CX3CL1: variants seen among roughly 807,000 people sequenced by gnomAD.
CX3CL1 encodes C-X3-C motif chemokine ligand 1.
In CX3CL1, 1 loss-of-function variant was observed where a neutral mutation model predicts 14.1. That is an observed-to-expected ratio of 0.07 (90% CI 0.03 to 0.34). The LOEUF is 0.34. CX3CL1 is among the 10% of genes least tolerant of loss of function. The pLI is 0.99. For synonymous variants in CX3CL1, 255 were observed against 229.6 expected (o/e 1.11, Z -1.00); for missense variants, 505 against 536.4 (o/e 0.94, Z 0.58).
intron 1 of CX3CL1, chr16:57,376,928 A>G (rs185025915): frequency 6.6e-6 from 1 of 152,272 alleles, no homozygotes; most frequent in East Asian, 1.9e-4. Flanking sequence ...TGGATGAGGC[A>G]TTGTCTCCAT....
chr16:57,378,104 G>T, intron 1 of CX3CL1: 1 of 152,232 alleles, frequency 6.6e-6, no homozygotes. Flanking sequence ...TCTTGCTCCA[G>T]GAATTTCAAA....
intron 1 of CX3CL1, among the ~76,000 whole-genome samples, chr16:57,373,215 C>T (rs72786873): frequency 0.019 from 2,880 of 152,272 alleles, 35 homozygotes; most frequent in South Asian, 0.034. Flanking sequence ...CTGTGTCTAC[C>T]CGTCATGCTG....
rs766501728 is a variant in CX3CL1 at position 57,372,647 on chromosome 16, G to T, written c.70+9G>T. ...GACTGTCCTGCTGGCTGGTAAGTGGGGCTTGACTTGGGCACAAACAGGGTA... is the reference window on the plus strand; with the variant it reads ...GACTGTCCTGCTGGCTGGTAAGTGGTGCTTGACTTGGGCACAAACAGGGTA... On this transcript the variant is annotated intron_variant, in intron 1 of 2. Coordinates refer to ENST00000006053, the MANE Select transcript of CX3CL1 (RefSeq NM_002996.6). The T allele has an allele frequency of 3.1e-6, 5 of 1,613,262 alleles. No homozygotes were observed. Among genetic ancestry groups the T allele is most frequent in the Non-Finnish European group, 3.4e-6 (4 of 1,179,888 alleles).
rs1226130428 is a variant in CX3CL1 at position 57,382,469 on chromosome 16, G to A, written c.631G>A (p.Ala211Thr). The change falls in exon 3 of 3, where the codon GCT becomes ACT. Residue 211 changes from alanine (A) to threonine (T), a missense_variant. Physicochemically the swap from Ala to Thr is moderately conservative, Grantham distance 58 (BLOSUM62 0). Coordinates refer to ENST00000006053, the MANE Select transcript of CX3CL1 (RefSeq NM_002996.6). This position sits in a 1 kb window ranked among gnomAD's most constrained non-coding sequence, Gnocchi z 6.9. Reference protein sequence around the residue: ...APHQPGPSLWAEAKTSEAPST... With the variant: ...APHQPGPSLWTEAKTSEAPST... ...CCACCAACCTGGGCCCAGCCTCTGG[G>A]CTGAGGCAAAGACCTCTGAGGCCCC... The A allele has an allele frequency of 9.3e-6, 15 of 1,612,668 alleles. No individual in the cohort carries two copies. The highest frequency in any genetic ancestry group is 1.3e-5 in the Non-Finnish European group (15 of 1,179,826).
At chr16:57,379,326 CAA>C (rs112711341) in intron 1 of CX3CL1, 2,635 of 335,072 alleles carry the variant, frequency 7.9e-3, no homozygotes, top group Non-Finnish European at 9.3e-3. Flanking sequence ...GACTCCAACT[CAA>C]AAAAAAAAAA....
At position 57,382,630 on chromosome 16, in the gene CX3CL1, G is replaced by A; in HGVS notation, c.792G>A (p.Glu264=). 6 of 1,613,876 alleles carry A rather than the reference G, an allele frequency of 3.7e-6. No individual in the cohort carries two copies. The highest frequency in any genetic ancestry group is 5.1e-6 in the Non-Finnish European group (6 of 1,179,866). ...PRPENSLERE[E]MGPVPAHTDA... ...CAGAGAACTCTCTGGAGCGGGAGGAGATGGGTCCCGTGCCAGCGCACACGG... is the reference window on the plus strand; with the variant it reads ...CAGAGAACTCTCTGGAGCGGGAGGAAATGGGTCCCGTGCCAGCGCACACGG... The change falls in exon 3 of 3, where the codon GAG becomes GAA. Residue 264 remains glutamate (E), a synonymous_variant. Transcript: ENST00000006053. The surrounding 1 kb of genome is among the most constrained non-coding windows in gnomAD (Gnocchi z 6.9).
At chr16:57,379,528 G>A in intron 1 of CX3CL1, 106 bp from the exon 2 acceptor site, 2 of 1,435,840 alleles carry the variant, frequency 1.4e-6, no homozygotes, top group African/African-American at 1.4e-5. Flanking sequence ...GGGTGTACAG[G>A]GGATCAGTTT....
At chr16:57,375,463 G>T (rs1035618102) in intron 1 of CX3CL1, among the ~76,000 whole-genome samples, 2 of 152,194 alleles carry the variant, frequency 1.3e-5, no homozygotes, top group Non-Finnish European at 2.9e-5. Flanking sequence ...TAGTACCCGG[G>T]ACAGCCCCCA....
intron 2 of CX3CL1, among the ~76,000 whole-genome samples, chr16:57,380,388 T>C (rs527778599): frequency 6.6e-6 from 1 of 152,106 alleles, no homozygotes; most frequent in Non-Finnish European, 1.5e-5. Flanking sequence ...TGAAACCCCA[T>C]CTCTACTAAA....
chr16:57,381,231 A>G (rs987415012), intron 2 of CX3CL1, among the ~76,000 whole-genome samples: 1 of 152,206 alleles, frequency 6.6e-6, no homozygotes, highest in Non-Finnish European at 1.5e-5. Flanking sequence ...AGGTTTAGAC[A>G]TGGGCAAAAT....
chr16:57,374,282 C>A (rs1902216485), intron 1 of CX3CL1, among the ~76,000 whole-genome samples: 1 of 151,882 alleles, frequency 6.6e-6, no homozygotes, highest in Non-Finnish European at 1.5e-5. Flanking sequence ...GCTGCCCTGA[C>A]TAGTGTGGGG....
chr16:57,382,209 C>A lies in CX3CL1; in HGVS notation c.371C>A (p.Ser124Tyr), dbSNP rs1178515509. 3 of 1,613,304 alleles carry A rather than the reference C, an allele frequency of 1.9e-6. No individual in the cohort carries two copies. ...TTPAAGGMDE[S>Y]VVLEPEATGE... ...CCTGCCGCCGGGGGAATGGACGAGT[C>A]TGTGGTCCTGGAGCCCGAAGCCACA... The change falls in exon 3 of 3, where the codon TCT becomes TAT. Residue 124 changes from serine (S) to tyrosine (Y), a missense_variant. Ser to Tyr is a moderately radical substitution (Grantham distance 144). Transcript: ENST00000006053. The surrounding 1 kb of genome is among the most constrained non-coding windows in gnomAD (Gnocchi z 6.9).
Position 57,382,597 on chromosome 16 carries a change from C to G in CX3CL1, c.759C>G (p.Ser253Arg), listed in dbSNP as rs1262204511. The G allele has an allele frequency of 6.2e-7, 1 of 1,613,950 alleles. No homozygotes were observed. Among genetic ancestry groups the G allele is most frequent in the East Asian group, 2.2e-5 (1 of 44,874 alleles). The change falls in exon 3 of 3, where the codon AGC becomes AGG. Residue 253 changes from serine (S) to arginine (R), a missense_variant. Physicochemically the swap from Ser to Arg is moderately radical, Grantham distance 110. Transcript: ENST00000006053. The surrounding 1 kb of genome is among the most constrained non-coding windows in gnomAD (Gnocchi z 6.9). Reference sequence around the variant, plus strand: ...AGCGTGTGTGGGGTCAGGGACAGAGCCCCAGGCCAGAGAACTCTCTGGAGC... The same window carrying G: ...AGCGTGTGTGGGGTCAGGGACAGAGGCCCAGGCCAGAGAACTCTCTGGAGC... Reference protein sequence around the residue: ...EGQRVWGQGQSPRPENSLERE... With the variant: ...EGQRVWGQGQRPRPENSLERE...
chr16:57,382,258 G>C lies in CX3CL1; in HGVS notation c.420G>C (p.Pro140=). 6.2e-7 allele frequency: 1 copy of C among 1,609,514 alleles called. No individual in the cohort carries two copies. Among genetic ancestry groups the C allele is most frequent in the African/African-American group, 1.3e-5 (1 of 74,940 alleles). Reference sequence around the variant, plus strand: ...CAGGCGAAAGCAGTAGCCTGGAGCCGACTCCTTCTTCCCAGGAAGCACAGA... The same window carrying C: ...CAGGCGAAAGCAGTAGCCTGGAGCCCACTCCTTCTTCCCAGGAAGCACAGA... ...EATGESSSLE[P]TPSSQEAQRA... The change falls in exon 3 of 3, where the codon CCG becomes CCC. Residue 140 remains proline (P), a synonymous_variant. Transcript: ENST00000006053. The surrounding 1 kb of genome is among the most constrained non-coding windows in gnomAD (Gnocchi z 6.9).
intron 1 of CX3CL1, among the ~76,000 whole-genome samples, chr16:57,374,864 G>A (rs114685150): frequency 0.017 from 2,607 of 152,294 alleles, 75 homozygotes; most frequent in African/African-American, 0.06. Context: ...GGGGTGGCTG[G>A]GCGCAGGGGC....
At chr16:57,379,109 C>G (rs1046854104) in intron 1 of CX3CL1, 1 of 152,892 alleles carries the variant, frequency 6.5e-6, no homozygotes, top group Non-Finnish European at 1.5e-5. Flanking sequence ...GGCAGATCAC[C>G]TGAGGTCGGG....
Position 57,382,856 on chromosome 16 carries a change from A to C in CX3CL1, c.1018A>C (p.Arg340=), listed in dbSNP as rs1195739387. 9 of 1,558,140 alleles carry C rather than the reference A, an allele frequency of 5.8e-6. No individual in the cohort carries two copies. In the African/African-American group the frequency reaches 1.2e-4, roughly 21 times the overall value. The change falls in exon 3 of 3, where the codon AGG becomes CGG. Residue 340 remains arginine (R), a synonymous_variant. Coordinates refer to ENST00000006053, the MANE Select transcript of CX3CL1 (RefSeq NM_002996.6). The surrounding 1 kb of genome is among the most constrained non-coding windows in gnomAD (Gnocchi z 6.9). ...PVPDAQAATR[R]QAVGLLAFLG... Reference sequence around the variant, plus strand: ...CCCTGACGCCCAGGCTGCCACCCGGAGGCAGGCGGTGGGGCTGCTGGCCTT... The same window carrying C: ...CCCTGACGCCCAGGCTGCCACCCGGCGGCAGGCGGTGGGGCTGCTGGCCTT...
At chr16:57,380,265 T>C (rs1902301415) in intron 2 of CX3CL1, among the ~76,000 whole-genome samples, 1 of 152,272 alleles carries the variant, frequency 6.6e-6, no homozygotes, top group African/African-American at 2.4e-5. Context: ...AGGATGTAAC[T>C]AAAGTGCTTG....
At position 57,374,438 on chromosome 16, in the gene CX3CL1, T is replaced by G. The variant is rs1597995399; in HGVS notation, c.70+1800T>G. Among the ~76,000 whole-genome samples the G allele has an allele frequency of 7.9e-5, 12 of 151,652 alleles. 1 individual carries two copies. The South Asian group carries it at 2.5e-3, about 32-fold the overall frequency. ...GCTGACGCATTCACTCCCACTCAAGTCCTGGCAAGAAAGAGAAAAAAAAAC... is the reference window on the plus strand; with the variant it reads ...GCTGACGCATTCACTCCCACTCAAGGCCTGGCAAGAAAGAGAAAAAAAAAC... On this transcript the variant is annotated intron_variant, in intron 1 of 2. Transcript: ENST00000006053.
Sources: allele counts gnomAD v4.1 joint callset (sites outside exome capture counted in the v4.1 genomes callset), GRCh38; gene constraint gnomAD v4.1.1; non-coding constraint Gnocchi (gnomAD v3.1); transcripts MANE v1.5; gene names NCBI Gene and HGNC (gene_info 2026-07-23, HGNC 2026-07-21).